MDFIC2: variants seen among roughly 807,000 people sequenced by gnomAD.
MDFIC2 encodes myoD family inhibitor domain-containing protein 2.
chr3:70,279,451 T>C (rs755415072), intron 2 of MDFIC2, among the ~76,000 whole-genome samples: 10 of 152,210 alleles, frequency 6.6e-5, no homozygotes, highest in South Asian at 4.2e-4. Context: ...TCTGAGTACA[T>C]TGTCATTTTC....
In MDFIC2 at chr3:70,195,866, G is replaced by A. The variant is rs1050183388; in HGVS notation, c.*1060C>T. On this transcript the variant is annotated 3_prime_UTR_variant, in exon 4 of 4. Coordinates refer to ENST00000567252, the MANE Select transcript of MDFIC2 (RefSeq NM_001364677.1). ...CAAACTGTTTAAACTTATTTGAGTC[G>A]AAAATCACTTTCCAGTCTATATCAC... Among the ~76,000 whole-genome samples, 7 of 152,002 alleles carry A rather than the reference G, an allele frequency of 4.6e-5. No individual in the cohort carries two copies. The highest frequency in any genetic ancestry group is 2.1e-4 in the South Asian group (1 of 4,826).
chr3:70,250,408 ATC>A (rs71674617), intron 2 of MDFIC2, among the ~76,000 whole-genome samples: 12,815 of 109,932 alleles, frequency 0.12, 570 homozygotes, highest in East Asian at 0.25. Flanking sequence ...CTTTTAATGA[ATC>A]TCACACACAC....
At chr3:70,268,732 A>G (rs1474323833) in intron 2 of MDFIC2, among the ~76,000 whole-genome samples, 1 of 152,132 alleles carries the variant, frequency 6.6e-6, no homozygotes, top group Admixed American at 6.5e-5. Context: ...TGATTTTGGC[A>G]TCTGCTTTAG....
At chr3:70,248,258 G>C (rs771424194) in intron 2 of MDFIC2, among the ~76,000 whole-genome samples, 7 of 152,054 alleles carry the variant, frequency 4.6e-5, no homozygotes, top group Non-Finnish European at 2.9e-5. Context: ...ATGATCTTAC[G>C]TAGAATATTA....
intron 2 of MDFIC2, among the ~76,000 whole-genome samples, chr3:70,302,855 A>G (rs992981184): frequency 1.3e-5 from 2 of 152,128 alleles, no homozygotes; most frequent in Non-Finnish European, 2.9e-5. Context: ...GTTGGGATCA[A>G]TCTCATCATT....
chr3:70,309,403 AC>A (rs1702435788), intron 2 of MDFIC2, among the ~76,000 whole-genome samples: 1 of 152,224 alleles, frequency 6.6e-6, no homozygotes, highest in Non-Finnish European at 1.5e-5. Flanking sequence ...CTCTCAAAAA[AC>A]ATAACTGTAT....
chr3:70,235,396 C>T (rs763814623), intron 2 of MDFIC2, among the ~76,000 whole-genome samples: 3 of 152,222 alleles, frequency 2.0e-5, no homozygotes, highest in Non-Finnish European at 4.4e-5. Context: ...CTTAATCCCT[C>T]ACAATTGGCT....
chr3:70,294,658 T>A (rs1417091947), intron 2 of MDFIC2, among the ~76,000 whole-genome samples: 1 of 151,888 alleles, frequency 6.6e-6, no homozygotes, highest in East Asian at 1.9e-4. Flanking sequence ...GCTCAAAAAA[T>A]AAAGTAATTT....
At chr3:70,298,030 A>T (rs1183711005) in intron 2 of MDFIC2, among the ~76,000 whole-genome samples, 2 of 152,106 alleles carry the variant, frequency 1.3e-5, no homozygotes, top group Non-Finnish European at 2.9e-5. Flanking sequence ...TCAGGGTCAC[A>T]TCTAAGATTG....
chr3:70,267,095 C>G (rs2106667099), intron 2 of MDFIC2, among the ~76,000 whole-genome samples: 1 of 152,216 alleles, frequency 6.6e-6, no homozygotes, highest in South Asian at 2.1e-4. Context: ...CCCAAAATTG[C>G]TAGCTGGGGA....
intron 2 of MDFIC2, among the ~76,000 whole-genome samples, chr3:70,213,601 G>A (rs1465210308): frequency 1.3e-5 from 2 of 152,050 alleles, no homozygotes; most frequent in Admixed American, 6.6e-5. Context: ...AATTATTGTG[G>A]TTAGTAAAAG....
rs542317093 is a variant in MDFIC2, at chr3:70,299,321, G to A, written c.88+12565C>T. On this transcript the variant is annotated intron_variant, in intron 2 of 3. Coordinates refer to ENST00000567252, the MANE Select transcript of MDFIC2 (RefSeq NM_001364677.1). ...TTTTATTAAAATTATAAATTTGTGC[G>A]TTATTTGTATACACACACAAATATA... Among the ~76,000 whole-genome samples the A allele has an allele frequency of 4.8e-4, 73 of 151,912 alleles. 1 individual carries two copies. The highest frequency in any genetic ancestry group is 8.3e-4 in the South Asian group (4 of 4,822).
chr3:70,204,723 C>G lies in MDFIC2; in HGVS notation c.310+1846G>C, dbSNP rs918198498. Reference sequence around the variant, plus strand: ...ATTTTAATGAAGTAGTGATTTGGGCCCTTTCCTGATAATACAAGAGTTAGG... The same window carrying G: ...ATTTTAATGAAGTAGTGATTTGGGCGCTTTCCTGATAATACAAGAGTTAGG... On this transcript the variant is annotated intron_variant, in intron 3 of 3. Coordinates refer to ENST00000567252, the MANE Select transcript of MDFIC2 (RefSeq NM_001364677.1). The G allele has an allele frequency of 4.0e-5, 6 of 151,674 alleles. No homozygotes were observed. The East Asian group carries it at 1.2e-3, about 29-fold the overall frequency. The allele number at this position is 151,674 out of a possible 1,614,324, so 9.4% of individuals were successfully genotyped here.
intron 2 of MDFIC2, among the ~76,000 whole-genome samples, chr3:70,286,604 T>C (rs147685202): frequency 0.37 from 55,863 of 151,058 alleles, 10,783 homozygotes; most frequent in East Asian, 0.62. Context: ...AGAAAGTCAT[T>C]GGTAGCTTGA....
chr3:70,274,554 T>G (rs1294384053), intron 2 of MDFIC2, among the ~76,000 whole-genome samples: 1 of 152,134 alleles, frequency 6.6e-6, no homozygotes, highest in Non-Finnish European at 1.5e-5. Flanking sequence ...CTGCATGCTC[T>G]CACTTATAAG....
intron 2 of MDFIC2, among the ~76,000 whole-genome samples, chr3:70,300,075 A>C (rs1470378580): frequency 6.6e-6 from 1 of 151,972 alleles, no homozygotes; most frequent in Non-Finnish European, 1.5e-5. Context: ...AGCCCAGCCA[A>C]ATTCCCCATT....
chr3:70,253,601 T>C (rs1297347383), intron 2 of MDFIC2, among the ~76,000 whole-genome samples: 1 of 152,152 alleles, frequency 6.6e-6, no homozygotes, highest in East Asian at 1.9e-4. Context: ...TGCACCTCTG[T>C]AGTCCTAGCT....
chr3:70,216,015 C>A (rs1372062119), intron 2 of MDFIC2, among the ~76,000 whole-genome samples: 5 of 151,854 alleles, frequency 3.3e-5, no homozygotes, highest in African/African-American at 9.7e-5. Flanking sequence ...ATCTGTAGAA[C>A]TGTGAAAATA....
In MDFIC2 at chr3:70,197,038, CG is replaced by C; in HGVS notation, c.457del (p.Arg153GlyfsTer42). On this transcript the variant is annotated frameshift_variant, in exon 4 of 4. Transcript: ENST00000567252. LOFTEE classifies it high-confidence loss of function. Reference protein sequence around the residue: ...YHHTSDENHSRNDCSCNCDMD... With the variant: ...YHHTSDENHSXNDCSCNCDMD... ...GTCACAATTGCAGCTGCAATCATTC[CG>C]AGAGTGGTTTTCATCCGAGGTGTGG... 1 of 398,538 alleles carries C rather than the reference CG, an allele frequency of 2.5e-6. No individual in the cohort carries two copies. Among genetic ancestry groups the C allele is most frequent in the Admixed American group, 4.4e-5 (1 of 22,732 alleles). 24.7% of individuals were successfully genotyped at this position (398,538 alleles called of 1,614,324 possible).
Sources: allele counts gnomAD v4.1 joint callset (sites outside exome capture counted in the v4.1 genomes callset), GRCh38; gene constraint gnomAD v4.1.1; transcripts MANE v1.5; gene names NCBI Gene and HGNC (gene_info 2026-07-23, HGNC 2026-07-21).